Variants in ST7 observed in about 807,000 individuals in gnomAD.
The protein encoded by ST7 is suppression of tumorigenicity 7, also known as suppressor of tumorigenicity 7 protein.
In ST7, 28 loss-of-function variants were observed where a neutral mutation model predicts 78.7. That is an observed-to-expected ratio of 0.36 (90% CI 0.26 to 0.49). The LOEUF (loss-of-function observed/expected upper bound fraction) is 0.49, where lower values mean the gene tolerates loss of function less well. Ranked by LOEUF, ST7 falls within the 20% of genes least tolerant of loss-of-function variation. The pLI is 0.99. For missense variants in ST7, 418 were observed against 696.0 expected, an observed-to-expected ratio of 0.60 and a Z score of 4.49; for synonymous variants, 247 against 249.6, an observed-to-expected ratio of 0.99 and a Z score of 0.10.
intron 1 of ST7, among the ~76,000 whole-genome samples, chr7:117,067,345 A>G (rs1009741637): frequency 6.6e-6 from 1 of 152,126 alleles, no homozygotes; most frequent in Non-Finnish European, 1.5e-5. Flanking sequence ...CACAATGACT[A>G]AGAAAACCAG....
intron 1 of ST7, among the ~76,000 whole-genome samples, chr7:116,961,555 CGTGTGTGT>C (rs35640208): frequency 1.1e-3 from 151 of 138,510 alleles, no homozygotes; most frequent in African/African-American, 3.4e-3. Flanking sequence ...TGTATTCCTA[CGTGTGTGT>C]GTGTGTGTGT....
intron 1 of ST7, among the ~76,000 whole-genome samples, chr7:116,960,268 C>T (rs1585044218): frequency 6.6e-6 from 1 of 152,150 alleles, no homozygotes; most frequent in East Asian, 1.9e-4. Context: ...CAGCTGACTG[C>T]AACCTCTGCC....
chr7:117,093,474 G>A (rs1800784787), intron 1 of ST7, among the ~76,000 whole-genome samples: 1 of 152,200 alleles, frequency 6.6e-6, no homozygotes, highest in Admixed American at 6.5e-5. Context: ...GGCTGAGTGG[G>A]GTGGATCAGT....
chr7:117,054,874 A>G lies in ST7; in HGVS notation c.152-44888A>G, dbSNP rs181105171. On this transcript the variant is annotated intron_variant, in intron 1 of 15. Transcript: ENST00000323984. ...GATATTTCTTTACAAAGATGAAGAAAGGGCTACATACAAGGAAAAGCAGAT... is the reference window on the plus strand; with the variant it reads ...GATATTTCTTTACAAAGATGAAGAAGGGGCTACATACAAGGAAAAGCAGAT... Among the ~76,000 whole-genome samples, 843 of 152,350 alleles carry G rather than the reference A, an allele frequency of 5.5e-3. 32 individuals are homozygous for G. Among genetic ancestry groups the G allele is most frequent in the Admixed American group, 0.051 (785 of 15,300 alleles).
intron 9 of ST7, among the ~76,000 whole-genome samples, chr7:117,147,698 G>GT (rs1029109343): frequency 1.3e-5 from 2 of 151,704 alleles, no homozygotes; most frequent in African/African-American, 4.8e-5. Flanking sequence ...TTTTTATTCT[G>GT]TTTTTTCTTT....
At chr7:117,149,547 A>G (rs972768306) in intron 9 of ST7, among the ~76,000 whole-genome samples, 1 of 138,286 alleles carries the variant, frequency 7.2e-6, no homozygotes, top group East Asian at 2.1e-4. Context: ...AATTTTTGCT[A>G]TATGCAAGTA....
At chr7:117,184,653 T>C (rs1809077606) in intron 10 of ST7, among the ~76,000 whole-genome samples, 1 of 152,090 alleles carries the variant, frequency 6.6e-6, no homozygotes, top group South Asian at 2.1e-4. Context: ...TATAAAGGGG[T>C]AGCACCAGGG....
intron 1 of ST7, among the ~76,000 whole-genome samples, chr7:117,001,574 T>G (rs1423492417): frequency 6.6e-6 from 1 of 152,228 alleles, no homozygotes; most frequent in East Asian, 1.9e-4. Context: ...CTGCAGGCTG[T>G]CAACAGAGCT....
chr7:117,006,880 A>G (rs1795178773), intron 1 of ST7, among the ~76,000 whole-genome samples: 1 of 152,204 alleles, frequency 6.6e-6, no homozygotes. Context: ...TTAGTATTGT[A>G]GTTGTTTTGG....
intron 1 of ST7, among the ~76,000 whole-genome samples, chr7:116,985,383 C>T (rs1585092801): frequency 6.6e-6 from 1 of 152,230 alleles, no homozygotes; most frequent in Non-Finnish European, 1.5e-5. Context: ...CCTGTAGGCC[C>T]ACATAATTTC....
chr7:117,198,218 A>C, intron 12 of ST7: 1 of 389,010 alleles, frequency 2.6e-6, no homozygotes, highest in South Asian at 1.9e-5. Flanking sequence ...ATGACAGGTA[A>C]ATGAAATTAC....
chr7:117,139,458 C>T (rs1415577387), intron 9 of ST7, among the ~76,000 whole-genome samples: 1 of 152,156 alleles, frequency 6.6e-6, no homozygotes, highest in Non-Finnish European at 1.5e-5. Context: ...CTTGGTGAGC[C>T]TTTTCTGAGT....
chr7:116,987,165 C>T (rs1377140329), intron 1 of ST7, among the ~76,000 whole-genome samples: 19 of 152,210 alleles, frequency 1.2e-4, no homozygotes, highest in Admixed American at 1.2e-3. Flanking sequence ...TGAAGACTCT[C>T]TCTTCTTCAT....
chr7:116,966,451 A>G (rs1793120351), intron 1 of ST7, among the ~76,000 whole-genome samples: 2 of 151,934 alleles, frequency 1.3e-5, no homozygotes, highest in Admixed American at 6.6e-5. Flanking sequence ...ATGTTGCACT[A>G]TGTTGGCCAG....
At chr7:116,971,700 TC>T (rs1268904512) in intron 1 of ST7, among the ~76,000 whole-genome samples, 12 of 152,292 alleles carry the variant, frequency 7.9e-5, no homozygotes, top group Admixed American at 6.5e-4. Context: ...TTCCCTGGGC[TC>T]TGTTTGGCTC....
intron 9 of ST7, among the ~76,000 whole-genome samples, chr7:117,141,041 C>T (rs560880598): frequency 6.6e-6 from 1 of 152,158 alleles, no homozygotes; most frequent in Non-Finnish European, 1.5e-5. Flanking sequence ...AAGATAACTG[C>T]GACTTCCCTG....
At position 117,229,921 on chromosome 7, in the gene ST7, T is replaced by C. The variant is rs545669533; in HGVS notation, c.*64T>C. 173 of 1,337,804 alleles carry C rather than the reference T, an allele frequency of 1.3e-4. 3 individuals are homozygous for C. The South Asian group carries it at 1.9e-3, about 14-fold the overall frequency. The allele number at this position is 1,337,804 out of a possible 1,614,324, so 82.9% of individuals were successfully genotyped here. A position where few individuals can be genotyped will look rare whatever the true frequency, so the allele number is the denominator to read the frequency against. ...CACCATCTCCTCTGTGCCAACTCCT[T>C]GTGGACCGCAAGAAAGCATGACTTT... On this transcript the variant is annotated 3_prime_UTR_variant, in exon 16 of 16. Transcript: ENST00000323984.
At chr7:116,995,796 A>G (rs1794625449) in intron 1 of ST7, among the ~76,000 whole-genome samples, 1 of 152,204 alleles carries the variant, frequency 6.6e-6, no homozygotes, top group Admixed American at 6.5e-5. Context: ...ATATCTTCTA[A>G]CTTTTCAAGG....
Position 116,955,913 on chromosome 7 carries a change from T to G in ST7, c.151+2222T>G, listed in dbSNP as rs1792450143. On this transcript the variant is annotated intron_variant, in intron 1 of 15. Coordinates refer to ENST00000323984, the MANE Select transcript of ST7 (RefSeq NM_001369598.1). The stretch of plus-strand genomic sequence containing the variant: ...TCCGGGCTGTACCTTGCTAGACACA[T>G]GATAGAAGACCTGATGATGCTGGAC... 2.0e-5 allele frequency among the ~76,000 whole-genome samples: 3 copies of G among 152,302 alleles called. No homozygotes were observed. In the South Asian group the frequency reaches 6.2e-4, roughly 32 times the overall value.
Sources: gnomAD v4.1 joint callset for allele counts (sites outside exome capture counted in the v4.1 genomes callset) on GRCh38, gnomAD v4.1.1 for gene constraint, MANE v1.5 for transcripts, NCBI Gene and HGNC (gene_info 2026-07-23, HGNC 2026-07-21) for gene names.